Variants in WDFY1 observed in about 807,000 individuals in gnomAD.
WDFY1 encodes WD repeat and FYVE domain containing 1.
In WDFY1, 32 loss-of-function variants were observed where a neutral mutation model predicts 56.4. The ratio of observed to expected loss-of-function variants is 0.57; its 90% CI spans 0.43 to 0.76. WDFY1 has a LOEUF of 0.76. Ranked by LOEUF, WDFY1 falls within the 30% of genes least tolerant of loss-of-function variation. WDFY1 has a pLI of 0.00. For synonymous variants in WDFY1, 192 were observed against 197.3 expected (o/e 0.97, Z 0.23); for missense variants, 480 against 545.7 (o/e 0.88, Z 1.20).
chr2:223,936,310 C>T (rs916718587), intron 1 of WDFY1, among the ~76,000 whole-genome samples: 1 of 152,072 alleles, frequency 6.6e-6, no homozygotes, highest in Admixed American at 6.6e-5. Context: ...AATCTGCCTG[C>T]CTCAGCTTCC....
At chr2:223,890,680 T>C (rs1693254557) in intron 8 of WDFY1, among the ~76,000 whole-genome samples, 1 of 152,174 alleles carries the variant, frequency 6.6e-6, no homozygotes, top group Non-Finnish European at 1.5e-5. Context: ...CTCCATCTTT[T>C]TGCACCTGCC....
chr2:223,893,058 T>C lies in WDFY1; in HGVS notation c.831+1176A>G, dbSNP rs553390679. On this transcript the variant is annotated intron_variant, in intron 8 of 11. Transcript: ENST00000233055. ...ATGACAGTACAGGCAGAGATGAGAATGGAAACCTTGATTGGAAATCATTTG... is the reference window on the plus strand; with the variant it reads ...ATGACAGTACAGGCAGAGATGAGAACGGAAACCTTGATTGGAAATCATTTG... 6.6e-5 allele frequency among the ~76,000 whole-genome samples: 10 copies of C among 152,340 alleles called. No homozygotes were observed. The East Asian group carries it at 1.9e-3, about 29-fold the overall frequency.
intron 8 of WDFY1, among the ~76,000 whole-genome samples, chr2:223,891,414 A>G (rs781408602): frequency 7.7e-6 from 1 of 130,258 alleles, no homozygotes; most frequent in Non-Finnish European, 1.7e-5. Flanking sequence ...ATCCTAAGGC[A>G]GGGTCAGAAC....
At chr2:223,945,091 G>GC in intron 1 of WDFY1, 57 bp downstream of exon 1, 1 of 1,514,570 alleles carries the variant, frequency 6.6e-7, no homozygotes, top group East Asian at 2.7e-5. Context: ...GGACCCCACC[G>GC]CCCCCACACC....
intron 10 of WDFY1, among the ~76,000 whole-genome samples, chr2:223,880,765 A>ATTT (rs386392765): frequency 0.016 from 2,358 of 149,496 alleles, 51 homozygotes; most frequent in African/African-American, 0.049. Context: ...AAAATAACTG[A>ATTT]TTTTTTTTTT....
chr2:223,926,927 C>G (rs1693994564), intron 1 of WDFY1, among the ~76,000 whole-genome samples: 1 of 152,148 alleles, frequency 6.6e-6, no homozygotes, highest in Non-Finnish European at 1.5e-5. Context: ...TTCGGCCTCC[C>G]AAAGTGCTGG....
chr2:223,890,588 A>G (rs2106075217), intron 8 of WDFY1, among the ~76,000 whole-genome samples: 1 of 152,316 alleles, frequency 6.6e-6, no homozygotes, highest in East Asian at 1.9e-4. Flanking sequence ...TATACTTATT[A>G]TCTAAGAAGA....
rs16865314 is a variant in WDFY1 at position 223,900,100 on chromosome 2, T to G, written c.486-1030A>C. Among the ~76,000 whole-genome samples the G allele has an allele frequency of 7.3e-3, 1,110 of 152,344 alleles. 16 individuals carry two copies. The highest frequency in any genetic ancestry group is 0.025 in the African/African-American group (1,047 of 41,584). The stretch of plus-strand genomic sequence containing the variant: ...GAAAACCAGAAATTTATACACGACA[T>G]GTTAACTACTATTTGTAATAGGAAA... On this transcript the variant is annotated intron_variant, in intron 5 of 11. Transcript: ENST00000233055.
At chr2:223,880,015 A>G in intron 11 of WDFY1, 109 bp downstream of exon 11, 1 of 951,326 alleles carries the variant, frequency 1.1e-6, no homozygotes, top group Non-Finnish European at 1.6e-6. Flanking sequence ...ACTGGCAATC[A>G]TTTGCTTATA....
chr2:223,883,553 G>C (rs1693111702), intron 9 of WDFY1, among the ~76,000 whole-genome samples: 1 of 152,146 alleles, frequency 6.6e-6, no homozygotes, highest in Non-Finnish European at 1.5e-5. Flanking sequence ...CTTTATAATG[G>C]TCTGAGCACT....
chr2:223,931,244 G>A (rs7556719), intron 1 of WDFY1, among the ~76,000 whole-genome samples: 127,551 of 151,720 alleles, frequency 0.84, 54,338 homozygotes, highest in Non-Finnish European at 0.93. Flanking sequence ...AAAAATGGAA[G>A]CAGTCACTGA....
intron 4 of WDFY1, among the ~76,000 whole-genome samples, chr2:223,902,996 T>C (rs1234459092): frequency 6.6e-6 from 1 of 152,142 alleles, no homozygotes; most frequent in Non-Finnish European, 1.5e-5. Flanking sequence ...ATTATATCCT[T>C]TCTGCTGTTT....
chr2:223,901,360 G>C (rs769804803), intron 4 of WDFY1, 27 bp from the exon 5 acceptor site: 2 of 1,612,952 alleles, frequency 1.2e-6, no homozygotes, highest in Non-Finnish European at 1.7e-6. Context: ...GTGAACAGAT[G>C]TCATCTCCAG....
At chr2:223,908,639 T>A (rs1009927954) in intron 3 of WDFY1, among the ~76,000 whole-genome samples, 1 of 152,116 alleles carries the variant, frequency 6.6e-6, no homozygotes, top group African/African-American at 2.4e-5. Flanking sequence ...TTTCTCAATG[T>A]ACCTGCTCTC....
chr2:223,941,277 A>C (rs56209211), intron 1 of WDFY1, among the ~76,000 whole-genome samples: 1 of 145,062 alleles, frequency 6.9e-6, no homozygotes, highest in African/African-American at 2.5e-5. Context: ...TTTTTTTTTT[A>C]ATTTAAAAAA....
At chr2:223,919,684 A>G (rs1434381678) in intron 1 of WDFY1, among the ~76,000 whole-genome samples, 1 of 152,144 alleles carries the variant, frequency 6.6e-6, no homozygotes, top group East Asian at 1.9e-4. Flanking sequence ...CCATTTTTGT[A>G]TTTCTAACGG....
rs1693325732 is a variant in WDFY1 at position 223,894,310 on chromosome 2, T to C, written c.755A>G (p.Gln252Arg). ...HDKVQSLCYL[Q>R]LTRQLVSCSS... ...ACAGGAGACGAGCTGCCTGGTGAGC[T>C]GAAGGTAGCACAGCGACTGCACCTT... Residue 252 changes from glutamine (Q) to arginine (R), a missense_variant, in exon 8 of 12, where the codon CAG (glutamine) becomes CGG (arginine). Gln to Arg is a conservative substitution (Grantham distance 43). Coordinates refer to ENST00000233055, the MANE Select transcript of WDFY1 (RefSeq NM_020830.5). The C allele has an allele frequency of 6.2e-7, 1 of 1,614,062 alleles. No individual in the cohort carries two copies.
intron 10 of WDFY1, 65 bp downstream of exon 10, chr2:223,881,877 C>T: frequency 6.3e-7 from 1 of 1,580,476 alleles, no homozygotes; most frequent in Non-Finnish European, 8.6e-7. Context: ...AAGCTCTTCA[C>T]ATTTCAGAGA....
intron 1 of WDFY1, among the ~76,000 whole-genome samples, chr2:223,933,364 T>C (rs1364990417): frequency 7.4e-6 from 1 of 135,776 alleles, no homozygotes; most frequent in African/African-American, 2.7e-5. Context: ...TTTTTTTTTT[T>C]ACTCCAAACC....
Sources: allele counts gnomAD v4.1 joint callset (sites outside exome capture counted in the v4.1 genomes callset), GRCh38; gene constraint gnomAD v4.1.1; transcripts MANE v1.5; gene names NCBI Gene and HGNC (gene_info 2026-07-23, HGNC 2026-07-21).